SH3PXD2A: variants seen among roughly 807,000 people sequenced by gnomAD.
The protein encoded by SH3PXD2A is SH3 and PX domains 2A, also known as SH3 and PX domain-containing protein 2A.
Under a neutral mutation model 115.2 loss-of-function variants are expected in SH3PXD2A, and 32 were observed. That is an observed-to-expected ratio of 0.28 (90% CI 0.21 to 0.37). The LOEUF is 0.37. Ranked by LOEUF, SH3PXD2A falls within the 10% of genes least tolerant of loss-of-function variation. SH3PXD2A has a pLI of 1.00. For missense variants in SH3PXD2A, 1,328 were observed against 1,498.7 expected (o/e 0.89, Z 1.88); for synonymous variants, 610 against 629.1 (o/e 0.97, Z 0.45).
rs1163074703 is a variant in SH3PXD2A at position 103,596,228 on chromosome 10, A to G, written c.*5588T>C. 1 of 152,438 alleles carries G rather than the reference A, an allele frequency of 6.6e-6. No individual in the cohort carries two copies. The highest frequency in any genetic ancestry group is 1.5e-5 in the Non-Finnish European group (1 of 68,026). 9.4% of individuals were successfully genotyped at this position (152,438 alleles called of 1,614,324 possible). ...ATAAGGGGCTTCTCATACCCATGGC[A>G]TGGCTGAGGGGTGGGAGTCAGCCTG... is the stretch of plus-strand genomic sequence containing the variant. On this transcript the variant is annotated 3_prime_UTR_variant, in exon 15 of 15. Transcript: ENST00000369774.
chr10:103,636,671 G>A (rs754249811), intron 8 of SH3PXD2A, among the ~76,000 whole-genome samples: 2 of 152,136 alleles, frequency 1.3e-5, no homozygotes, highest in Non-Finnish European at 2.9e-5. Flanking sequence ...TAGGGCCAGA[G>A]TCAGGCCAGC....
At chr10:103,677,177 T>C (rs563202052) in intron 6 of SH3PXD2A, among the ~76,000 whole-genome samples, 5 of 152,216 alleles carry the variant, frequency 3.3e-5, no homozygotes, top group Non-Finnish European at 7.3e-5. Flanking sequence ...CAGACTGGAC[T>C]CTTGCTATCG....
At chr10:103,616,704 C>T (rs925617573) in intron 11 of SH3PXD2A, among the ~76,000 whole-genome samples, 11 of 152,244 alleles carry the variant, frequency 7.2e-5, no homozygotes, top group African/African-American at 2.4e-4. Context: ...CCACCAGGGA[C>T]GTGGCTGCAA....
intron 8 of SH3PXD2A, among the ~76,000 whole-genome samples, chr10:103,655,552 C>G (rs2037198169): frequency 6.6e-6 from 1 of 152,034 alleles, no homozygotes; most frequent in African/African-American, 2.4e-5. Flanking sequence ...GTAGGTGGAT[C>G]ATTTGAGGCC....
intron 3 of SH3PXD2A, among the ~76,000 whole-genome samples, chr10:103,739,412 G>A (rs988725699): frequency 3.9e-5 from 6 of 152,190 alleles, no homozygotes; most frequent in Admixed American, 6.5e-5. Flanking sequence ...CAGGAGCAAC[G>A]TTTTCTTTTC....
intron 13 of SH3PXD2A, among the ~76,000 whole-genome samples, chr10:103,606,376 A>ATTTTT (rs34117845): frequency 2.6e-5 from 2 of 78,282 alleles, no homozygotes; most frequent in Non-Finnish European, 4.9e-5. Context: ...CACCTGGTTA[A>ATTTTT]TTTTTTTTTT....
rs2036154405 is a variant in SH3PXD2A, at chr10:103,597,614, AT to A, written c.*4201del. ...AAGGGGGAGAGGAGAACGCCACAAG[AT>A]CAAACTCCACCAACCCACCCACCTG... On this transcript the variant is annotated 3_prime_UTR_variant, in exon 15 of 15. Transcript: ENST00000369774. 1 of 152,554 alleles carries A rather than the reference AT, an allele frequency of 6.6e-6. No individual in the cohort carries two copies. The highest frequency in any genetic ancestry group is 1.9e-4 in the East Asian group (1 of 5,198). The allele number at this position is 152,554 out of a possible 1,614,324, so 9.5% of individuals were successfully genotyped here.
chr10:103,668,460 G>T, intron 7 of SH3PXD2A, 148 bp downstream of exon 7: 1 of 697,726 alleles, frequency 1.4e-6, no homozygotes, highest in Non-Finnish European at 2.5e-6. Context: ...GAGGCAGAGG[G>T]CACAGCAAGT....
intron 5 of SH3PXD2A, among the ~76,000 whole-genome samples, chr10:103,702,596 C>CATGTGTGTGT (rs72182362): frequency 2.0e-5 from 3 of 147,448 alleles, no homozygotes; most frequent in African/African-American, 7.6e-5. Flanking sequence ...TGTGTGTGTG[C>CATGTGTGTGT]GTGTGTGTGT....
At chr10:103,657,829 A>G (rs1221211061) in intron 8 of SH3PXD2A, among the ~76,000 whole-genome samples, 1 of 152,108 alleles carries the variant, frequency 6.6e-6, no homozygotes, top group African/African-American at 2.4e-5. Context: ...TTCCCCACAG[A>G]TGTTCCAGGG....
chr10:103,733,267 G>C (rs986586569), intron 4 of SH3PXD2A, among the ~76,000 whole-genome samples: 1 of 152,128 alleles, frequency 6.6e-6, no homozygotes, highest in African/African-American at 2.4e-5. Flanking sequence ...TCTGAATCAG[G>C]AGTCCTGTTC....
intron 8 of SH3PXD2A, among the ~76,000 whole-genome samples, chr10:103,637,415 T>C (rs760928499): frequency 6.6e-6 from 1 of 152,182 alleles, no homozygotes; most frequent in Non-Finnish European, 1.5e-5. Context: ...TGGGCTGCAC[T>C]CATTCCATGC....
intron 2 of SH3PXD2A, among the ~76,000 whole-genome samples, chr10:103,797,727 G>A (rs1173006551): frequency 1.4e-5 from 2 of 146,272 alleles, no homozygotes; most frequent in Non-Finnish European, 3.0e-5. Flanking sequence ...AGGGGGTGGG[G>A]AGTGTGGGGG....
chr10:103,647,997 G>A (rs1360657853), intron 8 of SH3PXD2A, among the ~76,000 whole-genome samples: 1 of 152,150 alleles, frequency 6.6e-6, no homozygotes, highest in Non-Finnish European at 1.5e-5. Flanking sequence ...AGCTGGTTAA[G>A]GTCTGCTCCA....
At chr10:103,647,170 C>T (rs1382630666) in intron 8 of SH3PXD2A, among the ~76,000 whole-genome samples, 1 of 152,170 alleles carries the variant, frequency 6.6e-6, no homozygotes, top group Non-Finnish European at 1.5e-5. Flanking sequence ...CACAGCTTCA[C>T]TCCCCAGGAA....
intron 1 of SH3PXD2A, among the ~76,000 whole-genome samples, chr10:103,820,569 G>T (rs1445237716): frequency 6.6e-6 from 1 of 152,088 alleles, no homozygotes; most frequent in Non-Finnish European, 1.5e-5. Flanking sequence ...GGGGAGGGCG[G>T]CCCCCTCCCT....
intron 2 of SH3PXD2A, among the ~76,000 whole-genome samples, chr10:103,787,251 C>T (rs957041899): frequency 2.6e-5 from 4 of 152,208 alleles, no homozygotes; most frequent in Admixed American, 6.5e-5. Flanking sequence ...GGCTCCAGCC[C>T]GCACCCTGGT....
intron 3 of SH3PXD2A, among the ~76,000 whole-genome samples, chr10:103,743,073 G>A (rs1408803762): frequency 6.6e-6 from 1 of 152,122 alleles, no homozygotes; most frequent in African/African-American, 2.4e-5. Context: ...ACCTGACCAG[G>A]TCCCTGTGCA....
chr10:103,630,399 C>T (rs1426677582), intron 8 of SH3PXD2A, among the ~76,000 whole-genome samples: 1 of 152,174 alleles, frequency 6.6e-6, no homozygotes, highest in Non-Finnish European at 1.5e-5. Context: ...GACCCTGCCT[C>T]CTTTACCACA....
Sources: gnomAD v4.1 joint callset for allele counts (sites outside exome capture counted in the v4.1 genomes callset) on GRCh38, gnomAD v4.1.1 for gene constraint, MANE v1.5 for transcripts, NCBI Gene and HGNC (gene_info 2026-07-23, HGNC 2026-07-21) for gene names.